Variants in FARP1 observed in about 807,000 individuals in gnomAD.
FARP1 encodes FERM, ARHGEF and pleckstrin domain-containing protein 1.
In FARP1, 52 loss-of-function variants were observed where a neutral mutation model predicts 128.8. The observed-to-expected ratio is 0.40, with a 90% CI of 0.32 to 0.51. The LOEUF is 0.51. Among genes scored for constraint, FARP1 ranks in the 20% least tolerant of loss-of-function variants. The probability of loss-of-function intolerance (pLI) is 0.45; values close to 1 mark genes in which losing one functional copy is unlikely to be tolerated. For synonymous variants in FARP1, 580 were observed against 551.8 expected (o/e 1.05, Z -0.72); for missense variants, 1,333 against 1,367.9 (o/e 0.97, Z 0.40).
intron 2 of FARP1, among the ~76,000 whole-genome samples, chr13:98,220,220 G>T (rs1204799345): frequency 1.3e-5 from 2 of 152,112 alleles, no homozygotes; most frequent in African/African-American, 4.8e-5. Context: ...GATAATGGAA[G>T]GAAGGTGTTT....
At chr13:98,417,142 A>G (rs1891405885) in intron 16 of FARP1, among the ~76,000 whole-genome samples, 1 of 152,162 alleles carries the variant, frequency 6.6e-6, no homozygotes, top group Non-Finnish European at 1.5e-5. Context: ...GAAGCCAGGA[A>G]GAAAGAAGCA....
intron 2 of FARP1, among the ~76,000 whole-genome samples, chr13:98,268,299 C>T (rs1216692527): frequency 6.6e-6 from 1 of 152,008 alleles, no homozygotes; most frequent in Non-Finnish European, 1.5e-5. Flanking sequence ...GCTGTCTGGC[C>T]CTTTGCAGAA....
Position 98,382,771 on chromosome 13 carries a change from A to G in FARP1, c.497-1959A>G, listed in dbSNP as rs573019776. ...CGTACTGTTAATAAGTATCCTTTTC[A>G]TGGTCTATTTAGTGCCACGCTTTTC... On this transcript the variant is annotated intron_variant, in intron 6 of 26. Transcript: ENST00000319562. Among the ~76,000 whole-genome samples, 7 of 151,604 alleles carry G rather than the reference A, an allele frequency of 4.6e-5. No homozygotes were observed. In the South Asian group the frequency reaches 6.3e-4, roughly 14 times the overall value.
rs1877996286 is a variant in FARP1, at chr13:98,176,105, C to T, written c.-24+32613C>T. On this transcript the variant is annotated intron_variant, in intron 1 of 26. Coordinates refer to ENST00000319562, the MANE Select transcript of FARP1 (RefSeq NM_005766.4). The surrounding 1 kb of genome is among the most constrained non-coding windows in gnomAD (Gnocchi z 6.2). ...TGGGATTGCAGGAAGACTGTCATCT[C>T]TCTCATCTTACTCAACAGGCTGCTT... 5 of 1,446,734 alleles carry T rather than the reference C, an allele frequency of 3.5e-6. No individual in the cohort carries two copies. Among genetic ancestry groups the T allele is most frequent in the Non-Finnish European group, 4.8e-6 (5 of 1,035,168 alleles). 89.6% of individuals were successfully genotyped at this position (1,446,734 alleles called of 1,614,324 possible).
Position 98,449,256 on chromosome 13 carries a change from ATCC to A in FARP1, c.*944_*946del, listed in dbSNP as rs1893064160. ...CCCCGGCACCTGTCGTTATTCCTAT[ATCC>A]TCCTGCAACTGTGGTTTGAAACTGC... On this transcript the variant is annotated 3_prime_UTR_variant, in exon 27 of 27. Coordinates refer to ENST00000319562, the MANE Select transcript of FARP1 (RefSeq NM_005766.4). 1 of 152,198 alleles carries A rather than the reference ATCC, an allele frequency of 6.6e-6. No homozygotes were observed. The highest frequency in any genetic ancestry group is 2.1e-4 in the South Asian group (1 of 4,830). 9.4% of individuals were successfully genotyped at this position (152,198 alleles called of 1,614,324 possible).
intron 6 of FARP1, among the ~76,000 whole-genome samples, chr13:98,382,069 A>T (rs1889905988): frequency 6.6e-6 from 1 of 151,604 alleles, no homozygotes; most frequent in South Asian, 2.1e-4. Flanking sequence ...CTCAAAATAA[A>T]AAAAAAAAAT....
chr13:98,196,525 A>G (rs111914099), intron 1 of FARP1, among the ~76,000 whole-genome samples: 1 of 142,750 alleles, frequency 7.0e-6, no homozygotes, highest in African/African-American at 2.5e-5. Flanking sequence ...CTGGCTAAAT[A>G]AAATAATAAT....
At chr13:98,227,260 C>A (rs1815388) in intron 2 of FARP1, among the ~76,000 whole-genome samples, 24,515 of 152,000 alleles carry the variant, frequency 0.16, 4,974 homozygotes, top group East Asian at 0.49. Context: ...GCATTTCTAA[C>A]GTTCATGTTC....
chr13:98,360,295 C>T (rs1460293610), intron 3 of FARP1, among the ~76,000 whole-genome samples: 3 of 152,226 alleles, frequency 2.0e-5, no homozygotes, highest in African/African-American at 7.2e-5. Context: ...GGGCTTTCGC[C>T]ATGTTGGCCA....
intron 2 of FARP1, among the ~76,000 whole-genome samples, chr13:98,287,690 C>G (rs1885251561): frequency 6.6e-6 from 1 of 151,938 alleles, no homozygotes; most frequent in South Asian, 2.1e-4. Context: ...TTTTCTTTAG[C>G]TCATTTTTAA....
At chr13:98,271,367 C>A (rs777656635) in intron 2 of FARP1, among the ~76,000 whole-genome samples, 7 of 152,268 alleles carry the variant, frequency 4.6e-5, no homozygotes, top group Non-Finnish European at 1.0e-4. Context: ...TCTCCTCTTA[C>A]ATTGACAGTA....
In FARP1 at chr13:98,213,213, C is replaced by T; in HGVS notation, c.-23-7C>T. 2 of 1,600,758 alleles carry T rather than the reference C, an allele frequency of 1.2e-6. No homozygotes were observed. The highest frequency in any genetic ancestry group is 1.7e-6 in the Non-Finnish European group (2 of 1,173,932). ...GATGTGTTTTTCTTTCTCACTGCTT[C>T]CTGCAGATATTCTCTAAGCCGCTTT... is the stretch of plus-strand genomic sequence containing the variant. On this transcript the variant is annotated splice_region_variant and splice_polypyrimidine_tract_variant and intron_variant, in intron 1 of 26. Transcript: ENST00000319562.
At position 98,170,645 on chromosome 13, in the gene FARP1, C is replaced by T. The variant is rs146280765; in HGVS notation, c.-24+27153C>T. On this transcript the variant is annotated intron_variant, in intron 1 of 26. Coordinates refer to ENST00000319562, the MANE Select transcript of FARP1 (RefSeq NM_005766.4). ...TGCTGGGATTACAGGTGTGAGCCAC[C>T]GCACCTGGTCTAATCATTGTATTTT... Among the ~76,000 whole-genome samples the T allele has an allele frequency of 6.8e-3, 1,041 of 152,152 alleles. 13 individuals carry two copies. Among genetic ancestry groups the T allele is most frequent in the African/African-American group, 0.024 (991 of 41,484 alleles).
chr13:98,170,339 A>G (rs190069707), intron 1 of FARP1, among the ~76,000 whole-genome samples: 66 of 148,036 alleles, frequency 4.5e-4, no homozygotes, highest in African/African-American at 1.6e-3. Flanking sequence ...ATGCGCCACC[A>G]TGCCTGGCTA....
chr13:98,442,172 T>C (rs1367841395), intron 24 of FARP1, among the ~76,000 whole-genome samples: 2 of 152,122 alleles, frequency 1.3e-5, no homozygotes, highest in Admixed American at 6.5e-5. Flanking sequence ...AGGACTCCCT[T>C]CCAAACGCAG....
At chr13:98,385,612 T>C in intron 7 of FARP1, 55 bp from the exon 8 acceptor site, 1 of 1,587,826 alleles carries the variant, frequency 6.3e-7, no homozygotes, top group South Asian at 1.1e-5. Flanking sequence ...CTCAAATTAA[T>C]AGATACAGGG....
rs551103326 is a variant in FARP1, at chr13:98,442,430, T to C, written c.2796+1594T>C. ...AAGCCCAGGCCTGCTTCTGAAGACA[T>C]CCTCAAGGGGACACATCCGAGGTGC... On this transcript the variant is annotated intron_variant, in intron 24 of 26. Transcript: ENST00000319562. Among the ~76,000 whole-genome samples the C allele has an allele frequency of 2.0e-5, 3 of 152,300 alleles. No individual in the cohort carries two copies. The East Asian group carries it at 5.8e-4, about 29-fold the overall frequency.
intron 2 of FARP1, among the ~76,000 whole-genome samples, chr13:98,268,891 TTTTTTA>T (rs1001030757): frequency 3.9e-5 from 6 of 151,906 alleles, no homozygotes; most frequent in African/African-American, 7.3e-5. Flanking sequence ...TTATTTTTAT[TTTTTTA>T]TTTTTATTTT....
intron 2 of FARP1, among the ~76,000 whole-genome samples, chr13:98,257,572 ACCAG>A (rs1459363866): frequency 6.6e-6 from 1 of 152,204 alleles, no homozygotes; most frequent in Admixed American, 6.5e-5. Flanking sequence ...GGAATTTGAG[ACCAG>A]CCTGACCAAC....
Sources: gnomAD v4.1 joint callset for allele counts (sites outside exome capture counted in the v4.1 genomes callset) on GRCh38, gnomAD v4.1.1 for gene constraint, Gnocchi (gnomAD v3.1) non-coding constraint, MANE v1.5 for transcripts, NCBI Gene and HGNC (gene_info 2026-07-23, HGNC 2026-07-21) for gene names.